Variants in RFX2 observed in about 807,000 individuals in gnomAD.
RFX2 encodes the protein regulatory factor X2, also known as DNA-binding protein RFX2.
Under a neutral mutation model 87.8 loss-of-function variants are expected in RFX2, and 20 were observed. That is an observed-to-expected ratio of 0.23 (90% CI 0.16 to 0.33). RFX2 has a LOEUF of 0.33. Among genes scored for constraint, RFX2 ranks in the 10% least tolerant of loss-of-function variants. RFX2 has a pLI of 1.00. For missense variants in RFX2, 767 were observed against 1,012.3 expected (o/e 0.76, Z 3.29); for synonymous variants, 397 against 431.3 (o/e 0.92, Z 0.98).
chr19:6,083,495 TA>T lies in RFX2; in HGVS notation c.-9+26897del, dbSNP rs1244326714. On this transcript the variant is annotated intron_variant, in intron 1 of 17. Coordinates refer to ENST00000303657, the MANE Select transcript of RFX2 (RefSeq NM_000635.4). The surrounding 1 kb of genome is among the most constrained non-coding windows in gnomAD (Gnocchi z 4.6). ...AAAAATATTCTCAACTCGTGGAAACTAAAAACAAAAATAAAAACCCACAGTA... is the reference window on the plus strand; with the variant it reads ...AAAAATATTCTCAACTCGTGGAAACTAAAACAAAAATAAAAACCCACAGTA... Among the ~76,000 whole-genome samples, 1 of 150,730 alleles carries T rather than the reference TA, an allele frequency of 6.6e-6. No homozygotes were observed. Among genetic ancestry groups the T allele is most frequent in the Non-Finnish European group, 1.5e-5 (1 of 67,844 alleles).
chr19:6,010,339 C>A lies in RFX2; in HGVS notation c.900-88G>T. On this transcript the variant is annotated intron_variant, in intron 8 of 17. Coordinates refer to ENST00000303657, the MANE Select transcript of RFX2 (RefSeq NM_000635.4). The surrounding 1 kb of genome is among the most constrained non-coding windows in gnomAD (Gnocchi z 5.0). ...ACTGGGGGGCTGGGCAGGATTCAGT[C>A]AGGCATGTGTGTGTGATGTTTACAA... 1.2e-6 allele frequency: 1 copy of A among 816,962 alleles called. No individual in the cohort carries two copies. Among genetic ancestry groups the A allele is most frequent in the South Asian group, 1.5e-5 (1 of 67,694 alleles). The allele number at this position is 816,962 out of a possible 1,614,324, so 50.6% of individuals were successfully genotyped here.
At chr19:6,104,220 T>G (rs1171741102) in intron 1 of RFX2, among the ~76,000 whole-genome samples, 1 of 152,122 alleles carries the variant, frequency 6.6e-6, no homozygotes, top group Non-Finnish European at 1.5e-5. Context: ...TGGGCTCTAC[T>G]GACTCAGAGA....
chr19:6,090,925 C>A (rs1008080499), intron 1 of RFX2, among the ~76,000 whole-genome samples: 1 of 152,172 alleles, frequency 6.6e-6, no homozygotes, highest in African/African-American at 2.4e-5. Flanking sequence ...TATTTATATA[C>A]ACACAAGTGA....
chr19:6,074,536 C>T lies in RFX2; in HGVS notation c.-8-27032G>A, dbSNP rs771641807. On this transcript the variant is annotated intron_variant, in intron 1 of 17. Transcript: ENST00000303657. This position sits in a 1 kb window ranked among gnomAD's most constrained non-coding sequence, Gnocchi z 5.2. ...CACAGTCTGAGCATCTGCCATGTGC[C>T]GGCTTCAAGTGCTGAGGACACAGCA... Among the ~76,000 whole-genome samples the T allele has an allele frequency of 5.9e-5, 9 of 152,188 alleles. No homozygotes were observed. Among genetic ancestry groups the T allele is most frequent in the East Asian group, 3.9e-4 (2 of 5,188 alleles).
At chr19:6,046,562 C>G (rs1175400189) in intron 2 of RFX2, among the ~76,000 whole-genome samples, 3 of 145,148 alleles carry the variant, frequency 2.1e-5, no homozygotes, top group South Asian at 2.1e-4. Context: ...CCGTCCCCCC[C>G]CAAAAAAAAA....
rs116518628 is a variant in RFX2 at position 6,022,099 on chromosome 19, C to T, written c.597+4064G>A. Among the ~76,000 whole-genome samples the T allele has an allele frequency of 0.014, 2,207 of 152,214 alleles. 57 individuals are homozygous for T. Among genetic ancestry groups the T allele is most frequent in the African/African-American group, 0.05 (2,076 of 41,498 alleles). On this transcript the variant is annotated intron_variant, in intron 6 of 17. Coordinates refer to ENST00000303657, the MANE Select transcript of RFX2 (RefSeq NM_000635.4). This position sits in a 1 kb window ranked among gnomAD's most constrained non-coding sequence, Gnocchi z 6.2. ...CGCCTGGAAGATTGGCTGCCCCTGC[C>T]TCAGATGGGACCGTGGGCGGGAGGC... is the stretch of plus-strand genomic sequence containing the variant.
chr19:6,003,927 G>C (rs2086534697), intron 13 of RFX2, among the ~76,000 whole-genome samples: 1 of 152,028 alleles, frequency 6.6e-6, no homozygotes, highest in Non-Finnish European at 1.5e-5. Context: ...ACAGCAAGGA[G>C]ATTAAATTTC....
chr19:6,078,817 C>T (rs2087733142), intron 1 of RFX2, among the ~76,000 whole-genome samples: 7 of 152,230 alleles, frequency 4.6e-5, no homozygotes, highest in Admixed American at 4.6e-4. Context: ...TGCTCTGTCT[C>T]CCAGGCTGGG....
chr19:6,012,880 G>T lies in RFX2; in HGVS notation c.899+106C>A. ...GGGGATACCTTGGCTTTCCCAGGATGCTGGAGACTGGGGAGTTATGATGAG... is the reference window on the plus strand; with the variant it reads ...GGGGATACCTTGGCTTTCCCAGGATTCTGGAGACTGGGGAGTTATGATGAG... On this transcript the variant is annotated intron_variant, in intron 8 of 17. Coordinates refer to ENST00000303657, the MANE Select transcript of RFX2 (RefSeq NM_000635.4). The surrounding 1 kb of genome is among the most constrained non-coding windows in gnomAD (Gnocchi z 4.6). 1 of 1,183,078 alleles carries T rather than the reference G, an allele frequency of 8.5e-7. No homozygotes were observed. Among genetic ancestry groups the T allele is most frequent in the Non-Finnish European group, 1.1e-6 (1 of 902,522 alleles). The allele number at this position is 1,183,078 out of a possible 1,614,324, so 73.3% of individuals were successfully genotyped here. A position where few individuals can be genotyped will look rare whatever the true frequency, so the allele number is the denominator to read the frequency against.
intron 3 of RFX2, among the ~76,000 whole-genome samples, chr19:6,042,820 G>T (rs972332983): frequency 6.6e-6 from 1 of 152,348 alleles, no homozygotes. Context: ...ACTCTAGTCC[G>T]AGCAGTGGAA....
At chr19:6,066,958 T>C (rs1333972775) in intron 1 of RFX2, among the ~76,000 whole-genome samples, 2 of 152,314 alleles carry the variant, frequency 1.3e-5, no homozygotes, top group East Asian at 3.9e-4. Flanking sequence ...ATATGTAATC[T>C]ATTATTTTCA....
In RFX2 at chr19:6,095,632, G is replaced by T. The variant is rs185461149; in HGVS notation, c.-9+14761C>A. Among the ~76,000 whole-genome samples, 45 of 152,148 alleles carry T rather than the reference G, an allele frequency of 3.0e-4. No homozygotes were observed. The East Asian group carries it at 6.4e-3, about 22-fold the overall frequency. On this transcript the variant is annotated intron_variant, in intron 1 of 17. Coordinates refer to ENST00000303657, the MANE Select transcript of RFX2 (RefSeq NM_000635.4). ...ACAAGGGGAGGGTGTGTGGGGCAGGGAAGGGGTCAAGAGACCAAGCTGGGT... is the reference window on the plus strand; with the variant it reads ...ACAAGGGGAGGGTGTGTGGGGCAGGTAAGGGGTCAAGAGACCAAGCTGGGT...
At position 6,007,824 on chromosome 19, in the gene RFX2, A is replaced by G; in HGVS notation, c.1135-22T>C. Reference sequence around the variant, plus strand: ...TTGCCTAGGAATGAAGGGACCGGTGAGACAGACGGGTGCGTGCGCCCATCA... The same window carrying G: ...TTGCCTAGGAATGAAGGGACCGGTGGGACAGACGGGTGCGTGCGCCCATCA... On this transcript the variant is annotated intron_variant, in intron 10 of 17. Coordinates refer to ENST00000303657, the MANE Select transcript of RFX2 (RefSeq NM_000635.4). The surrounding 1 kb of genome is among the most constrained non-coding windows in gnomAD (Gnocchi z 8.2). 3 of 1,477,622 alleles carry G rather than the reference A, an allele frequency of 2.0e-6. No homozygotes were observed. The highest frequency in any genetic ancestry group is 2.8e-6 in the Non-Finnish European group (3 of 1,079,396). The allele number at this position is 1,477,622 out of a possible 1,614,324, so 91.5% of individuals were successfully genotyped here. A position where few individuals can be genotyped will look rare whatever the true frequency, so the allele number is the denominator to read the frequency against.
In RFX2 at chr19:6,040,174, C is replaced by T. The variant is rs748493309; in HGVS notation, c.328G>A (p.Glu110Lys). 2.3e-5 allele frequency: 36 copies of T among 1,598,432 alleles called. No homozygotes were observed. The highest frequency in any genetic ancestry group is 2.8e-5 in the Non-Finnish European group (33 of 1,168,182). The change falls in exon 5 of 18, where the codon GAG becomes AAG. Residue 110 changes from glutamate (E) to lysine (K), a missense_variant. Glu to Lys is a moderately conservative substitution (Grantham distance 56). Coordinates refer to ENST00000303657, the MANE Select transcript of RFX2 (RefSeq NM_000635.4). The surrounding 1 kb of genome is among the most constrained non-coding windows in gnomAD (Gnocchi z 6.1). Reference protein sequence around the residue: ...YAPSSTASYFEAPGGAQVTVA... With the variant: ...YAPSSTASYFKAPGGAQVTVA... ...GTCACCTGGGCACCGCCTGGGGCCT[C>T]GAAGTAAGAAGCCGTGCTGCTGGGG...
At position 6,042,074 on chromosome 19, in the gene RFX2, C is replaced by A. The variant is rs773074998; in HGVS notation, c.230G>T (p.Gly77Val). The change falls in exon 4 of 18, where the codon GGG becomes GTG. Residue 77 changes from glycine to valine, a missense_variant. Physicochemically the swap from Gly to Val is moderately radical, Grantham distance 109 (BLOSUM62 -3). This residue lies in a region of RFX2 where 146 missense variants were observed against 139.2 expected (regional missense o/e 1.05). Coordinates refer to ENST00000303657, the MANE Select transcript of RFX2 (RefSeq NM_000635.4). ...VYPAQVQYVEGGDAVYTNGAI... is the reference protein window; with the variant it reads ...VYPAQVQYVEVGDAVYTNGAI... ...TCCATTGGTGTAGACGGCGTCTCCC[C>A]CTTCCACGTACTGCACCTGGGCAGG... The A allele has an allele frequency of 1.2e-6, 2 of 1,613,884 alleles. No homozygotes were observed. Among genetic ancestry groups the A allele is most frequent in the African/African-American group, 1.3e-5 (1 of 74,886 alleles).
intron 1 of RFX2, among the ~76,000 whole-genome samples, chr19:6,076,615 T>G (rs1295146807): frequency 1.3e-5 from 2 of 152,162 alleles, no homozygotes; most frequent in Non-Finnish European, 2.9e-5. Flanking sequence ...TCCTACAAAG[T>G]GTGGAGTTTA....
chr19:6,059,474 G>C (rs1226188658), intron 1 of RFX2, among the ~76,000 whole-genome samples: 1 of 152,126 alleles, frequency 6.6e-6, no homozygotes, highest in Non-Finnish European at 1.5e-5. Flanking sequence ...ACTGCTTCTA[G>C]CAATAACTTC....
At position 5,994,965 on chromosome 19, in the gene RFX2, G is replaced by A. The variant is rs368351835; in HGVS notation, c.2057-15C>T. 1.8e-5 allele frequency: 29 copies of A among 1,588,988 alleles called. No individual in the cohort carries two copies. In the African/African-American group the frequency reaches 3.5e-4, roughly 19 times the overall value. On this transcript the variant is annotated splice_polypyrimidine_tract_variant and intron_variant, in intron 17 of 17. Transcript: ENST00000303657. The stretch of plus-strand genomic sequence containing the variant: ...GCCCATGTCATCTGCGGAGGGAGGG[G>A]TAGGGTCAGTGTCCATCATCAGGAG...
rs771839696 is a variant in RFX2 at position 6,004,729 on chromosome 19, G to A, written c.1403-431C>T. On this transcript the variant is annotated intron_variant, in intron 12 of 17. Transcript: ENST00000303657. The surrounding 1 kb of genome is among the most constrained non-coding windows in gnomAD (Gnocchi z 4.8). Reference sequence around the variant, plus strand: ...CCTTGACACAAACACACACACACACGTAAATACATTCTACCAACTTCCTAA... The same window carrying A: ...CCTTGACACAAACACACACACACACATAAATACATTCTACCAACTTCCTAA... Among the ~76,000 whole-genome samples the A allele has an allele frequency of 1.1e-4, 16 of 151,130 alleles. No homozygotes were observed. The highest frequency in any genetic ancestry group is 1.5e-4 in the African/African-American group (6 of 41,224).
Sources: allele counts gnomAD v4.1 joint callset (sites outside exome capture counted in the v4.1 genomes callset), GRCh38; gene constraint gnomAD v4.1.1; regional missense constraint gnomAD v4.1.1; non-coding constraint Gnocchi (gnomAD v3.1); transcripts MANE v1.5; gene names NCBI Gene and HGNC (gene_info 2026-07-23, HGNC 2026-07-21).